The following GRAMD4 variants were observed in gnomAD, a reference collection of about 807,000 sequenced individuals.
GRAMD4 encodes the protein GRAM domain-containing protein 4.
In GRAMD4, 25 loss-of-function variants were observed where a neutral mutation model predicts 83.9. The observed-to-expected ratio is 0.30, with a 90% CI of 0.22 to 0.42. GRAMD4 has a LOEUF of 0.42. GRAMD4 is among the 10% of genes least tolerant of loss of function. The pLI is 1.00. For missense variants in GRAMD4, 593 were observed against 788.7 expected (o/e 0.75, Z 2.97); for synonymous variants, 336 against 320.9 (o/e 1.05, Z -0.50).
intron 3 of GRAMD4, among the ~76,000 whole-genome samples, chr22:46,643,124 C>CATTT (rs2082002966): frequency 2.2e-5 from 2 of 90,722 alleles, no homozygotes. Flanking sequence ...TCCATCCATG[C>CATTT]ATCCATCCAT....
At position 46,661,502 on chromosome 22, in the gene GRAMD4, G is replaced by C. The variant is rs2082326918; in HGVS notation, c.466+60G>C. ...GCGGGTGGGTGGCTGCGCGTCACCT[G>C]CTGGTTCTGTAGGCCCAGGTTAACA... On this transcript the variant is annotated intron_variant, in intron 5 of 18. Transcript: ENST00000406902. 1.3e-5 allele frequency: 15 copies of C among 1,185,622 alleles called. No homozygotes were observed. The South Asian group carries it at 1.7e-4, about 13-fold the overall frequency. 73.4% of individuals were successfully genotyped at this position (1,185,622 alleles called of 1,614,324 possible).
At chr22:46,629,965 C>T (rs185408998) in intron 2 of GRAMD4, among the ~76,000 whole-genome samples, 242 of 152,242 alleles carry the variant, frequency 1.6e-3, no homozygotes, top group African/African-American at 5.5e-3. Flanking sequence ...TGCATTGGTG[C>T]CGCCTGCCTT....
chr22:46,646,884 C>CA (rs2082079802), intron 3 of GRAMD4, among the ~76,000 whole-genome samples: 2 of 152,270 alleles, frequency 1.3e-5, no homozygotes, highest in South Asian at 2.1e-4. Context: ...CAAGGAGGAG[C>CA]AAGTCACATC....
chr22:46,673,871 T>G, intron 15 of GRAMD4, 57 bp downstream of exon 15: 1 of 1,586,874 alleles, frequency 6.3e-7, no homozygotes. Context: ...TGAAGGCCCG[T>G]GAGGGGGGCG....
intron 8 of GRAMD4, among the ~76,000 whole-genome samples, chr22:46,664,964 C>G (rs1402979186): frequency 1.3e-5 from 2 of 152,242 alleles, no homozygotes; most frequent in African/African-American, 4.8e-5. Context: ...ACTTTGTTCA[C>G]TCACAGATGA....
intron 1 of GRAMD4, among the ~76,000 whole-genome samples, chr22:46,590,003 C>T (rs2081191150): frequency 6.6e-6 from 1 of 152,044 alleles, no homozygotes; most frequent in Non-Finnish European, 1.5e-5. Context: ...GCCGTGTCGC[C>T]TCCTGTAACT....
intron 15 of GRAMD4, 117 bp from the exon 16 acceptor site, chr22:46,674,540 A>G (rs1277289828): frequency 6.3e-6 from 5 of 788,896 alleles, no homozygotes; most frequent in African/African-American, 3.4e-5. Flanking sequence ...TGTGGGTGTG[A>G]CGTGAGCGCG....
chr22:46,578,544 G>A (rs983850465), intron 1 of GRAMD4, among the ~76,000 whole-genome samples: 7 of 152,218 alleles, frequency 4.6e-5, no homozygotes, highest in African/African-American at 1.7e-4. Context: ...TAGGAGGTCA[G>A]TCATGGCCTC....
intron 1 of GRAMD4, among the ~76,000 whole-genome samples, chr22:46,615,050 CGTGTAGGTTCCCCCGT>C (rs2081462400): frequency 3.1e-5 from 1 of 32,378 alleles, no homozygotes; most frequent in Non-Finnish European, 6.3e-5. Context: ...TTCCCCTGTG[CGTGTAGGTTCCCCCGT>C]GTGTAGGTTC....
At chr22:46,653,471 A>C (rs1215315762) in intron 3 of GRAMD4, among the ~76,000 whole-genome samples, 1 of 152,170 alleles carries the variant, frequency 6.6e-6, no homozygotes, top group Non-Finnish European at 1.5e-5. Context: ...TTTTTCACAC[A>C]GGCAGGCATG....
intron 9 of GRAMD4, 43 bp downstream of exon 9, chr22:46,665,749 G>A (rs1569300782): frequency 4.9e-6 from 5 of 1,023,500 alleles, no homozygotes; most frequent in Middle Eastern, 2.0e-4. Context: ...CCCACCGCAT[G>A]TATGGCTGTG....
intron 3 of GRAMD4, among the ~76,000 whole-genome samples, chr22:46,639,904 C>T (rs1433793435): frequency 2.6e-5 from 4 of 152,038 alleles, no homozygotes; most frequent in Admixed American, 6.6e-5. Context: ...CATGGGCTGC[C>T]GACAGGGTTC....
At chr22:46,599,117 C>T (rs1249906630) in intron 1 of GRAMD4, among the ~76,000 whole-genome samples, 8 of 152,082 alleles carry the variant, frequency 5.3e-5, no homozygotes, top group African/African-American at 1.9e-4. Context: ...GACAGAACCC[C>T]TAGCACACAA....
At chr22:46,677,023 T>C (rs1156637819) in intron 18 of GRAMD4, 124 bp from the exon 19 acceptor site, 1 of 1,147,840 alleles carries the variant, frequency 8.7e-7, no homozygotes, top group Admixed American at 2.2e-5. Context: ...GACACCTGTC[T>C]TTTGCACCCA....
chr22:46,634,585 C>A (rs1461770773), intron 2 of GRAMD4, among the ~76,000 whole-genome samples: 1 of 152,148 alleles, frequency 6.6e-6, no homozygotes, highest in Admixed American at 6.5e-5. Context: ...CACTTGGGGG[C>A]AAGTGGGTCG....
rs1245079228 is a variant in GRAMD4 at position 46,677,466 on chromosome 22, A to T, written c.*215A>T. 4 of 1,321,816 alleles carry T rather than the reference A, an allele frequency of 3.0e-6. No homozygotes were observed. The African/African-American group carries it at 5.9e-5, about 20-fold the overall frequency. The allele number at this position is 1,321,816 out of a possible 1,614,324, so 81.9% of individuals were successfully genotyped here. A position where few individuals can be genotyped will look rare whatever the true frequency, so the allele number is the denominator to read the frequency against. On this transcript the variant is annotated 3_prime_UTR_variant, in exon 19 of 19. Transcript: ENST00000406902. ...CGGGGGTGCCCCTCTCCCACAGGGC[A>T]CGTCAGGTGCCTCTGAGGGCCACCC...
rs1378886614 is a variant in GRAMD4 at position 46,658,283 on chromosome 22, A to G, written c.380A>G (p.Lys127Arg). 5.6e-6 allele frequency: 9 copies of G among 1,612,192 alleles called. No individual in the cohort carries two copies. The highest frequency in any genetic ancestry group is 7.6e-6 in the Non-Finnish European group (9 of 1,179,620). Residue 127 changes from lysine (K) to arginine (R), a missense_variant, in exon 4 of 19, where the codon AAG becomes AGG. Around this residue, in one of 4 missense-constraint regions of GRAMD4, gnomAD observed 312 missense variants for 350.7 expected, o/e 0.89. Transcript: ENST00000406902. ...ERQRRMELEQ[K>R]VQEVLKARTE... ...CAGCGGCGGATGGAGCTGGAGCAGA[A>G]GGTGCAGGAGGTGCTGAAGGCCAGG...
chr22:46,631,040 C>T (rs948657437), intron 2 of GRAMD4, among the ~76,000 whole-genome samples: 7 of 152,244 alleles, frequency 4.6e-5, no homozygotes, highest in East Asian at 1.9e-4. Flanking sequence ...TCCACCGCCC[C>T]GAGGGGCAAG....
rs2542039 is a variant in GRAMD4, at chr22:46,663,246, G to A, written c.599+74G>A. 2,993 of 1,429,894 alleles carry A rather than the reference G, an allele frequency of 2.1e-3. 51 individuals carry two copies. In the African/African-American group the frequency reaches 0.038, roughly 18 times the overall value. The allele number at this position is 1,429,894 out of a possible 1,614,324, so 88.6% of individuals were successfully genotyped here. ...CCTGGGCTGAGGCTGCAGCGGGTGG[G>A]CCATCCTTTATCACCGTGGGCCAAA... On this transcript the variant is annotated intron_variant, in intron 6 of 18. Coordinates refer to ENST00000406902, the MANE Select transcript of GRAMD4 (RefSeq NM_015124.5).
Sources: allele counts gnomAD v4.1 joint callset (sites outside exome capture counted in the v4.1 genomes callset), GRCh38; gene constraint gnomAD v4.1.1; regional missense constraint gnomAD v4.1.1; transcripts MANE v1.5; gene names NCBI Gene and HGNC (gene_info 2026-07-23, HGNC 2026-07-21).